Variants in SCAI observed in about 807,000 individuals in gnomAD.
The protein encoded by SCAI is protein SCAI.
Under a neutral mutation model 92.2 loss-of-function variants are expected in SCAI, and 24 were observed. The ratio of observed to expected loss-of-function variants is 0.26; its 90% CI spans 0.19 to 0.37. The LOEUF (loss-of-function observed/expected upper bound fraction) is 0.37. Among genes scored for constraint, SCAI ranks in the 10% least tolerant of loss-of-function variants. The probability of loss-of-function intolerance (pLI) is 1.00; values close to 1 mark genes in which losing one functional copy is unlikely to be tolerated. For missense variants in SCAI, 450 were observed against 736.2 expected, an observed-to-expected ratio of 0.61 and a Z score of 4.50; for synonymous variants, 261 against 258.6, an observed-to-expected ratio of 1.01 and a Z score of -0.09.
At chr9:125,063,419 C>T (rs557754220) in intron 2 of SCAI, among the ~76,000 whole-genome samples, 5 of 146,918 alleles carry the variant, frequency 3.4e-5, no homozygotes, top group South Asian at 2.2e-4. Flanking sequence ...ATAGAAAAGA[C>T]AGGACAAATG....
Position 125,022,558 on chromosome 9 carries a change from T to G in SCAI, c.513-1789A>C, listed in dbSNP as rs553218595. On this transcript the variant is annotated intron_variant, in intron 6 of 17. Transcript: ENST00000336505. Reference sequence around the variant, plus strand: ...TCCTGAGTAACTAGGATTGCAGGTGTGTGCCACCATGCCTGGGTAATTTTT... The same window carrying G: ...TCCTGAGTAACTAGGATTGCAGGTGGGTGCCACCATGCCTGGGTAATTTTT... Among the ~76,000 whole-genome samples, 3 of 152,294 alleles carry G rather than the reference T, an allele frequency of 2.0e-5. No individual in the cohort carries two copies. The East Asian group carries it at 5.8e-4, about 29-fold the overall frequency.
At chr9:125,104,442 CT>C (rs1834735314) in intron 2 of SCAI, among the ~76,000 whole-genome samples, 1 of 152,150 alleles carries the variant, frequency 6.6e-6, no homozygotes, top group South Asian at 2.1e-4. Context: ...TAACTCTAGC[CT>C]TTAACTCTAA....
intron 2 of SCAI, among the ~76,000 whole-genome samples, chr9:125,074,445 T>TG (rs1021877400): frequency 6.0e-5 from 9 of 149,210 alleles, no homozygotes; most frequent in Admixed American, 1.3e-4. Flanking sequence ...TTAGTAGAGA[T>TG]GGGGGTCTCA....
chr9:125,036,139 GC>G (rs200660706), intron 3 of SCAI, among the ~76,000 whole-genome samples: 3,008 of 152,108 alleles, frequency 0.02, 88 homozygotes, highest in African/African-American at 0.068. Context: ...AACAAAGGGA[GC>G]CCCTGTCTTA....
At chr9:125,080,046 CA>C (rs149972632) in intron 2 of SCAI, among the ~76,000 whole-genome samples, 1 of 149,148 alleles carries the variant, frequency 6.7e-6, no homozygotes, top group Non-Finnish European at 1.5e-5. Context: ...GGGAAGTTAT[CA>C]AAAAAAAAGA....
chr9:125,044,124 G>A (rs1437629951), intron 3 of SCAI, among the ~76,000 whole-genome samples: 3 of 152,160 alleles, frequency 2.0e-5, no homozygotes, highest in Non-Finnish European at 4.4e-5. Context: ...GTGTGCTCAT[G>A]ACGGCACTGA....
intron 3 of SCAI, among the ~76,000 whole-genome samples, chr9:125,051,770 A>T (rs1588179302): frequency 1.3e-5 from 2 of 152,250 alleles, no homozygotes; most frequent in Non-Finnish European, 2.9e-5. Flanking sequence ...TCCATACACA[A>T]AAATTAACTC....
At chr9:125,089,637 C>T (rs1834388871) in intron 2 of SCAI, among the ~76,000 whole-genome samples, 1 of 151,996 alleles carries the variant, frequency 6.6e-6, no homozygotes, top group South Asian at 2.1e-4. Context: ...CTTGTGTGCA[C>T]ATTAAGTTTG....
rs375235548 is a variant in SCAI, at chr9:125,136,909, C to T, written c.98+5724G>A. On this transcript the variant is annotated intron_variant, in intron 2 of 17. Coordinates refer to ENST00000336505, the MANE Select transcript of SCAI (RefSeq NM_001144877.3). ...GCAAGTAACTGGGATTACAGGCATGCGCCATTGTGCCTGACTAATTTTTGT... is the reference window on the plus strand; with the variant it reads ...GCAAGTAACTGGGATTACAGGCATGTGCCATTGTGCCTGACTAATTTTTGT... Among the ~76,000 whole-genome samples, 15 of 151,868 alleles carry T rather than the reference C, an allele frequency of 9.9e-5. 1 individual carries two copies. In the South Asian group the frequency reaches 2.9e-3, roughly 29 times the overall value.
chr9:125,005,450 G>A (rs1212468205), intron 9 of SCAI, among the ~76,000 whole-genome samples: 1 of 152,180 alleles, frequency 6.6e-6, no homozygotes, highest in African/African-American at 2.4e-5. Flanking sequence ...TCTTGCCTCA[G>A]CATCCTGAGT....
At chr9:124,967,569 T>C (rs1321088278) in intron 17 of SCAI, among the ~76,000 whole-genome samples, 1 of 152,126 alleles carries the variant, frequency 6.6e-6, no homozygotes, top group Non-Finnish European at 1.5e-5. Context: ...GAAAATGGCT[T>C]TTTTTTCCTC....
chr9:124,963,418 G>C (rs1023619773), intron 17 of SCAI, among the ~76,000 whole-genome samples: 1 of 152,064 alleles, frequency 6.6e-6, no homozygotes, highest in African/African-American at 2.4e-5. Flanking sequence ...ACAGGCGTGA[G>C]CCACAGCGCC....
intron 3 of SCAI, among the ~76,000 whole-genome samples, chr9:125,030,698 T>G (rs1219945574): frequency 6.6e-6 from 1 of 152,144 alleles, no homozygotes; most frequent in Non-Finnish European, 1.5e-5. Flanking sequence ...AACACTGCAT[T>G]TGCCTGAGAA....
chr9:125,117,049 A>C (rs1415196587), intron 2 of SCAI, among the ~76,000 whole-genome samples: 2 of 152,220 alleles, frequency 1.3e-5, no homozygotes, highest in Non-Finnish European at 2.9e-5. Context: ...ATGCTGACTG[A>C]ATTAAATAAT....
intron 2 of SCAI, among the ~76,000 whole-genome samples, chr9:125,061,819 T>C (rs35712235): frequency 1.5e-3 from 230 of 151,702 alleles, no homozygotes; most frequent in Non-Finnish European, 2.8e-3. Context: ...ATGGAATTCA[T>C]CACCAGCAGA....
chr9:124,957,957 A>G (rs1831355386), intron 17 of SCAI, among the ~76,000 whole-genome samples: 1 of 152,254 alleles, frequency 6.6e-6, no homozygotes, highest in Admixed American at 6.5e-5. Context: ...TGCTGGGATT[A>G]CAGGTATGAG....
intron 2 of SCAI, among the ~76,000 whole-genome samples, chr9:125,082,919 T>C (rs1006293915): frequency 6.6e-6 from 1 of 152,206 alleles, no homozygotes; most frequent in Non-Finnish European, 1.5e-5. Context: ...ACTTTGGACT[T>C]TTGAGTTAAT....
At position 125,004,752 on chromosome 9, in the gene SCAI, TATATATATATATATA is replaced by T. The variant is rs1832445392; in HGVS notation, c.862-1197_862-1183del. Among the ~76,000 whole-genome samples the T allele has an allele frequency of 3.4e-3, 52 of 15,172 alleles. 4 individuals carry two copies. The highest frequency in any genetic ancestry group is 4.8e-3 in the Non-Finnish European group (40 of 8,300). 10.0% of individuals were successfully genotyped at this position (15,172 alleles called of 152,430 possible). A position where few individuals can be genotyped will look rare whatever the true frequency, so the allele number is the denominator to read the frequency against. On this transcript the variant is annotated intron_variant, in intron 9 of 17. Transcript: ENST00000336505. ...TGTGATCCATATATATATATATATA[TATATATATATATATA>T]TATATATATATATTTTTTTTTTTTT...
At chr9:125,119,206 A>G (rs1181024111) in intron 2 of SCAI, among the ~76,000 whole-genome samples, 2 of 152,156 alleles carry the variant, frequency 1.3e-5, no homozygotes, top group Non-Finnish European at 2.9e-5. Context: ...GTGGCAGGTA[A>G]TATCATTGAA....
Sources: allele counts gnomAD v4.1 joint callset (sites outside exome capture counted in the v4.1 genomes callset), GRCh38; gene constraint gnomAD v4.1.1; transcripts MANE v1.5; gene names NCBI Gene and HGNC (gene_info 2026-07-23, HGNC 2026-07-21).